The following PTPRN2 variants were observed in gnomAD, a reference collection of about 807,000 sequenced individuals.
The protein encoded by PTPRN2 is receptor-type tyrosine-protein phosphatase N2.
PTPRN2 carries 74 observed loss-of-function variants against 118.8 expected under a neutral mutation model. That is an observed-to-expected ratio of 0.62 (90% CI 0.52 to 0.76). PTPRN2 has a LOEUF of 0.76. Ranked by LOEUF, PTPRN2 falls within the 30% of genes least tolerant of loss-of-function variation. PTPRN2 has a pLI of 0.00. For missense variants in PTPRN2, 1,481 were observed against 1,394.4 expected (o/e 1.06, Z -0.99); for synonymous variants, 641 against 608.0 (o/e 1.05, Z -0.80).
chr7:157,574,187 G>A (rs181411884), intron 19 of PTPRN2: 1 of 275,492 alleles, frequency 3.6e-6, no homozygotes, highest in African/African-American at 2.1e-5. Flanking sequence ...TCCACAACAG[G>A]AATTCACTGA....
At chr7:158,583,221 G>T (rs1828725369) in intron 1 of PTPRN2, among the ~76,000 whole-genome samples, 2 of 152,200 alleles carry the variant, frequency 1.3e-5, no homozygotes, top group Middle Eastern at 3.2e-3. Context: ...CACATAAAAT[G>T]ATCAGTGTTA....
chr7:157,621,351 C>G lies in PTPRN2; in HGVS notation c.2344+11G>C. 1 of 1,606,526 alleles carries G rather than the reference C, an allele frequency of 6.2e-7. No individual in the cohort carries two copies. Among genetic ancestry groups the G allele is most frequent in the Non-Finnish European group, 8.5e-7 (1 of 1,174,498 alleles). On this transcript the variant is annotated intron_variant, in intron 15 of 22. Transcript: ENST00000389418. ...TAACCCAGGCTTCCTGCCCCCGGGGCTGGTACGTACAGGTCAGCACGGCCA... is the reference window on the plus strand; with the variant it reads ...TAACCCAGGCTTCCTGCCCCCGGGGGTGGTACGTACAGGTCAGCACGGCCA...
At chr7:157,824,295 G>C (rs933711967) in intron 12 of PTPRN2, among the ~76,000 whole-genome samples, 7 of 152,234 alleles carry the variant, frequency 4.6e-5, no homozygotes, top group African/African-American at 1.7e-4. Context: ...AGGGCAGGGG[G>C]CGAGCTTGTT....
At chr7:157,642,950 G>C (rs967149367) in intron 14 of PTPRN2, among the ~76,000 whole-genome samples, 3 of 148,098 alleles carry the variant, frequency 2.0e-5, no homozygotes, top group African/African-American at 7.5e-5. Context: ...TCTTTCTCCC[G>C]CAGACTCTCT....
rs370198746 is a variant in PTPRN2 at position 157,994,662 on chromosome 7, T to G, written c.1723+86636A>C. Among the ~76,000 whole-genome samples, 168 of 141,582 alleles carry G rather than the reference T, an allele frequency of 1.2e-3. 1 individual carries two copies. The highest frequency in any genetic ancestry group is 4.3e-3 in the African/African-American group (154 of 36,078). The allele number at this position is 141,582 out of a possible 152,430, so 92.9% of individuals were successfully genotyped here. On this transcript the variant is annotated intron_variant, in intron 11 of 22. Transcript: ENST00000389418. ...GCCGTGTCCCCAGCTTACAGCTCCTTGTTCCTAAAATCAACGCCGCGTCCC... is the reference window on the plus strand; with the variant it reads ...GCCGTGTCCCCAGCTTACAGCTCCTGGTTCCTAAAATCAACGCCGCGTCCC...
Position 157,627,193 on chromosome 7 carries a change from CG to C in PTPRN2, c.2197-5685del, listed in dbSNP as rs141591477. Among the ~76,000 whole-genome samples, 7,090 of 152,328 alleles carry C rather than the reference CG, an allele frequency of 0.047. 232 individuals are homozygous for C. Among genetic ancestry groups the C allele is most frequent in the African/African-American group, 0.099 (4,093 of 41,552 alleles). ...ACCGCACCTGCAGCTGGGTCTCCTC[CG>C]GGGCGTGAGCTCCTGGTGGTCAGGG... On this transcript the variant is annotated intron_variant, in intron 14 of 22. Transcript: ENST00000389418. The surrounding 1 kb of genome is among the most constrained non-coding windows in gnomAD (Gnocchi z 4.2).
rs541636644 is a variant in PTPRN2, at chr7:157,880,968, A to G, written c.1788+17705T>C. ...CTAACAGGGTCAGAGTTTAGAGCTG[A>G]ATTGAGTCTCTCCAAAGTGCCTATG... On this transcript the variant is annotated intron_variant, in intron 12 of 22. Transcript: ENST00000389418. Among the ~76,000 whole-genome samples, 6 of 152,358 alleles carry G rather than the reference A, an allele frequency of 3.9e-5. No homozygotes were observed. The East Asian group carries it at 1.2e-3, about 29-fold the overall frequency.
chr7:157,686,191 C>T (rs1463000438), intron 12 of PTPRN2, among the ~76,000 whole-genome samples: 1 of 152,204 alleles, frequency 6.6e-6, no homozygotes, highest in Non-Finnish European at 1.5e-5. Context: ...AACCCGCTTC[C>T]TACCCGCCCG....
intron 11 of PTPRN2, among the ~76,000 whole-genome samples, chr7:158,013,852 C>G (rs1419906194): frequency 8.3e-6 from 1 of 120,898 alleles, no homozygotes; most frequent in Non-Finnish European, 1.7e-5. Flanking sequence ...ACCCACCCAC[C>G]CACCCACTCA....
chr7:157,823,277 T>C (rs1393714203), intron 12 of PTPRN2, among the ~76,000 whole-genome samples: 1 of 152,194 alleles, frequency 6.6e-6, no homozygotes, highest in African/African-American at 2.4e-5. Context: ...CCTGGCAAAA[T>C]AACAAATTAT....
At chr7:157,836,687 C>A (rs1056321968) in intron 12 of PTPRN2, among the ~76,000 whole-genome samples, 5 of 151,970 alleles carry the variant, frequency 3.3e-5, no homozygotes, top group Non-Finnish European at 7.4e-5. Context: ...GCTAAGTGTT[C>A]AATAGACACA....
At chr7:158,068,186 G>A (rs1210942125) in intron 11 of PTPRN2, among the ~76,000 whole-genome samples, 1 of 152,220 alleles carries the variant, frequency 6.6e-6, no homozygotes, top group Admixed American at 6.5e-5. Context: ...CAGAGCGTGG[G>A]GACTTCATCC....
intron 2 of PTPRN2, among the ~76,000 whole-genome samples, chr7:158,481,783 C>T (rs1042152961): frequency 6.6e-6 from 1 of 152,212 alleles, no homozygotes; most frequent in South Asian, 2.1e-4. Context: ...TTTAGAAACA[C>T]ACTTTGTAAG....
chr7:158,284,414 C>G (rs1799637883), intron 3 of PTPRN2, among the ~76,000 whole-genome samples: 1 of 152,180 alleles, frequency 6.6e-6, no homozygotes, highest in African/African-American at 2.4e-5. Flanking sequence ...TCTTGATGCT[C>G]TATGAGTAAG....
At chr7:157,664,767 C>T (rs1332372234) in intron 13 of PTPRN2, among the ~76,000 whole-genome samples, 5 of 152,106 alleles carry the variant, frequency 3.3e-5, no homozygotes, top group Non-Finnish European at 7.4e-5. Context: ...CGCCTACACC[C>T]GCCAAAAATA....
chr7:157,543,382 C>T (rs1798104858), intron 22 of PTPRN2, among the ~76,000 whole-genome samples: 1 of 152,254 alleles, frequency 6.6e-6, no homozygotes, highest in Non-Finnish European at 1.5e-5. Context: ...GGTGGGACGG[C>T]CGAGCCAGGC....
chr7:157,573,521 C>T (rs1412897193), intron 19 of PTPRN2, among the ~76,000 whole-genome samples: 1 of 152,180 alleles, frequency 6.6e-6, no homozygotes, highest in African/African-American at 2.4e-5. Flanking sequence ...AGACCAAGTA[C>T]ACCCAAAAAA....
rs1445839223 is a variant in PTPRN2, at chr7:158,539,790, G to C, written c.112+47768C>G. 1.6e-5 allele frequency: 4 copies of C among 248,754 alleles called. No individual in the cohort carries two copies. In the East Asian group the frequency reaches 6.4e-4, roughly 40 times the overall value. The allele number at this position is 248,754 out of a possible 1,614,324, so 15.4% of individuals were successfully genotyped here. ...GGTGCACTGTGAGCCTGGAGCTGGTGACGGCTGGGGACATACTGTGAGCCT... is the reference window on the plus strand; with the variant it reads ...GGTGCACTGTGAGCCTGGAGCTGGTCACGGCTGGGGACATACTGTGAGCCT... On this transcript the variant is annotated intron_variant, in intron 1 of 22. Coordinates refer to ENST00000389418, the MANE Select transcript of PTPRN2 (RefSeq NM_002847.5).
chr7:157,825,216 G>A (rs1807094738), intron 12 of PTPRN2, among the ~76,000 whole-genome samples: 1 of 152,188 alleles, frequency 6.6e-6, no homozygotes, highest in Non-Finnish European at 1.5e-5. Context: ...CTGCTTTCAG[G>A]GAGTGTCTCA....
Sources: gnomAD v4.1 joint callset for allele counts (sites outside exome capture counted in the v4.1 genomes callset) on GRCh38, gnomAD v4.1.1 for gene constraint, Gnocchi (gnomAD v3.1) non-coding constraint, MANE v1.5 for transcripts, NCBI Gene and HGNC (gene_info 2026-07-23, HGNC 2026-07-21) for gene names.